KIAA1217: variants seen among roughly 807,000 people sequenced by gnomAD.
KIAA1217 encodes the protein sickle tail protein homolog.
A neutral mutation model predicts 163.9 loss-of-function variants in KIAA1217; 88 were observed. The observed-to-expected ratio is 0.54, with a 90% CI of 0.45 to 0.64. The LOEUF is 0.64. Among genes scored for constraint, KIAA1217 ranks in the 30% least tolerant of loss-of-function variants. KIAA1217 has a pLI of 0.00. For missense variants in KIAA1217, 2,372 were observed against 2,475.0 expected (o/e 0.96, Z 0.88); for synonymous variants, 903 against 923.1 (o/e 0.98, Z 0.39).
intron 5 of KIAA1217, among the ~76,000 whole-genome samples, chr10:24,442,911 A>ATTTTTT (rs72335041): frequency 2.2e-5 from 3 of 136,576 alleles, no homozygotes; most frequent in Non-Finnish European, 3.1e-5. Context: ...CTTTTGTGGG[A>ATTTTTT]TTTTTTTTTT....
At chr10:24,083,770 T>TG (rs1282013507) in intron 2 of KIAA1217, among the ~76,000 whole-genome samples, 1 of 151,932 alleles carries the variant, frequency 6.6e-6, no homozygotes, top group East Asian at 1.9e-4. Context: ...AACTAGATAG[T>TG]GGGGAGAGGG....
chr10:24,034,536 C>A (rs1253523508), intron 2 of KIAA1217, among the ~76,000 whole-genome samples: 1 of 143,468 alleles, frequency 7.0e-6, no homozygotes, highest in African/African-American at 2.5e-5. Flanking sequence ...GCATTCCAGC[C>A]TGGGCAATAA....
intron 1 of KIAA1217, among the ~76,000 whole-genome samples, chr10:24,212,367 C>G (rs1425331090): frequency 6.6e-6 from 1 of 152,096 alleles, no homozygotes. Context: ...AGAAGTTTAT[C>G]AGGTATCCAA....
chr10:24,504,658 AT>A (rs2068106195), intron 9 of KIAA1217, among the ~76,000 whole-genome samples: 2 of 152,036 alleles, frequency 1.3e-5, no homozygotes. Flanking sequence ...AAATTCAAAT[AT>A]TCTTTGAACT....
At chr10:24,503,339 A>G (rs570648402) in intron 9 of KIAA1217, among the ~76,000 whole-genome samples, 4 of 152,300 alleles carry the variant, frequency 2.6e-5, no homozygotes, top group East Asian at 3.9e-4. Flanking sequence ...ATTCATTTAA[A>G]TCTCCTAGTG....
At chr10:23,882,766 T>C (rs891596534) in intron 1 of KIAA1217, among the ~76,000 whole-genome samples, 3 of 151,938 alleles carry the variant, frequency 2.0e-5, no homozygotes, top group African/African-American at 7.2e-5. Flanking sequence ...TTACCTAGGG[T>C]TCAAGTGTGT....
chr10:24,399,536 T>C (rs2056267204), intron 3 of KIAA1217, among the ~76,000 whole-genome samples: 1 of 152,224 alleles, frequency 6.6e-6, no homozygotes, highest in Non-Finnish European at 1.5e-5. Flanking sequence ...GTCACTGAGT[T>C]ATATTTTAGG....
At chr10:23,899,145 C>A (rs1397270768) in intron 1 of KIAA1217, among the ~76,000 whole-genome samples, 2 of 152,058 alleles carry the variant, frequency 1.3e-5, no homozygotes, top group African/African-American at 4.8e-5. Context: ...TTGTTCATGT[C>A]ATCGTATTCA....
rs1033416146 is a variant in KIAA1217, at chr10:24,138,239, G to A, written c.-170-81387G>A. Among the ~76,000 whole-genome samples the A allele has an allele frequency of 5.3e-5, 8 of 152,112 alleles. No individual in the cohort carries two copies. In the East Asian group the frequency reaches 1.4e-3, roughly 26 times the overall value. On this transcript the variant is annotated intron_variant, in intron 2 of 18. Transcript: ENST00000376462. ...TGCAGTCATGGCTAACTGCAACCTC[G>A]AACTGCCAGGCTCAAGCGATCCCCC...
At chr10:23,874,317 A>T (rs911922274) in intron 1 of KIAA1217, among the ~76,000 whole-genome samples, 1 of 151,872 alleles carries the variant, frequency 6.6e-6, no homozygotes, top group Non-Finnish European at 1.5e-5. Flanking sequence ...TTTTATTTCT[A>T]TTCTAAATTA....
Position 23,711,649 on chromosome 10 carries a change from C to A in KIAA1217, c.-321+16415C>A, listed in dbSNP as rs562621618. ...CACAGATGTGCTTATTACAAGGGAA[C>A]AAGATACAAAGGAGAACCTTCTGGG... On this transcript the variant is annotated intron_variant, in intron 1 of 18. Coordinates refer to the KIAA1217 transcript ENST00000376462. 3.9e-5 allele frequency among the ~76,000 whole-genome samples: 6 copies of A among 152,266 alleles called. No individual in the cohort carries two copies. The East Asian group carries it at 1.2e-3, about 29-fold the overall frequency.
chr10:23,697,949 A>G (rs1389921142), intron 1 of KIAA1217, among the ~76,000 whole-genome samples: 2 of 152,162 alleles, frequency 1.3e-5, no homozygotes, highest in African/African-American at 2.4e-5. Flanking sequence ...AATGATAATT[A>G]TAACTCAGTA....
At chr10:24,076,003 A>G (rs2061357811) in intron 2 of KIAA1217, among the ~76,000 whole-genome samples, 1 of 152,128 alleles carries the variant, frequency 6.6e-6, no homozygotes, top group Non-Finnish European at 1.5e-5. Flanking sequence ...CAGAAGCCTG[A>G]GAATTTTTCT....
chr10:24,147,832 C>CAAAAAAAAAAAAAA (rs1176106711), intron 2 of KIAA1217, among the ~76,000 whole-genome samples: 10 of 20,768 alleles, frequency 4.8e-4, no homozygotes, highest in African/African-American at 1.2e-3. Flanking sequence ...TACTCTGTCT[C>CAAAAAAAAAAAAAA]AAAAAAAAAA....
At chr10:23,827,446 A>T (rs1837948611) in intron 1 of KIAA1217, among the ~76,000 whole-genome samples, 1 of 152,194 alleles carries the variant, frequency 6.6e-6, no homozygotes, top group South Asian at 2.1e-4. Context: ...GAACATGTGT[A>T]ATTAGTATAT....
intron 2 of KIAA1217, chr10:24,239,227 T>C: frequency 1.0e-6 from 1 of 985,368 alleles, no homozygotes; most frequent in Non-Finnish European, 1.2e-6. Flanking sequence ...GAGGGGGGTT[T>C]TACCTGACAG....
intron 1 of KIAA1217, among the ~76,000 whole-genome samples, chr10:23,721,143 A>G (rs1837856443): frequency 6.6e-6 from 1 of 152,216 alleles, no homozygotes; most frequent in Non-Finnish European, 1.5e-5. Context: ...TTGGGAAATT[A>G]GCCAGTTTCC....
chr10:23,861,003 C>G (rs185098627), intron 1 of KIAA1217, among the ~76,000 whole-genome samples: 4 of 151,966 alleles, frequency 2.6e-5, no homozygotes, highest in African/African-American at 9.7e-5. Context: ...GCCTCCACCT[C>G]CTGAGCTCCA....
intron 1 of KIAA1217, among the ~76,000 whole-genome samples, chr10:23,826,097 G>A (rs1837883175): frequency 6.6e-6 from 1 of 152,022 alleles, no homozygotes; most frequent in African/African-American, 2.4e-5. Flanking sequence ...ACTTTGTGAT[G>A]TAAGAGTGAG....
Sources: gnomAD v4.1 joint callset for allele counts (sites outside exome capture counted in the v4.1 genomes callset) on GRCh38, gnomAD v4.1.1 for gene constraint, MANE v1.5 for transcripts, NCBI Gene and HGNC (gene_info 2026-07-23, HGNC 2026-07-21) for gene names.